HSD17B6: variants seen among roughly 807,000 people sequenced by gnomAD.
HSD17B6 encodes the protein 17-beta-hydroxysteroid dehydrogenase type 6.
A neutral mutation model predicts 26.4 loss-of-function variants in HSD17B6; 16 were observed. The observed-to-expected ratio is 0.61, with a 90% confidence interval of 0.41 to 0.92. HSD17B6 has a LOEUF of 0.92. Ranked by LOEUF, HSD17B6 falls within the 40% of genes least tolerant of loss-of-function variation. The pLI is 0.00. For synonymous variants in HSD17B6, 139 were observed against 153.0 expected (o/e 0.91, Z 0.68); for missense variants, 357 against 386.1 (o/e 0.92, Z 0.63).
intron 1 of HSD17B6, 29 bp from the exon 2 acceptor site, chr12:56,773,805 G>C (rs1222562506): frequency 6.7e-7 from 1 of 1,502,898 alleles, no homozygotes; most frequent in Non-Finnish European, 8.9e-7. Context: ...TAATAAGGAA[G>C]GAATAAAATG....
chr12:56,784,066 A>G (rs1264467084), intron 3 of HSD17B6, among the ~76,000 whole-genome samples: 7 of 148,860 alleles, frequency 4.7e-5, no homozygotes, highest in Non-Finnish European at 1.0e-4. Context: ...CGCTCCCCAC[A>G]TCTCAGACGA....
intron 1 of HSD17B6, among the ~76,000 whole-genome samples, chr12:56,767,714 T>A (rs1954369658): frequency 6.9e-6 from 1 of 144,940 alleles, no homozygotes; most frequent in African/African-American, 2.5e-5. Flanking sequence ...TATACACATA[T>A]ATACACACAT....
Position 56,785,452 on chromosome 12 carries a change from G to T in HSD17B6, c.736+436G>T, listed in dbSNP as rs562019753. ...AAAAGAGGGTTGGTGGACAATGATT[G>T]GCAGATCCTCTCAGGACAAAGCTCC... On this transcript the variant is annotated intron_variant, in intron 4 of 4. Coordinates refer to ENST00000322165, the MANE Select transcript of HSD17B6 (RefSeq NM_003725.4). Among the ~76,000 whole-genome samples the T allele has an allele frequency of 4.3e-4, 65 of 152,330 alleles. 1 individual carries two copies. In the South Asian group the frequency reaches 0.013, roughly 30 times the overall value.
At chr12:56,783,369 G>GC (rs1404154791) in intron 3 of HSD17B6, among the ~76,000 whole-genome samples, 4 of 110,214 alleles carry the variant, frequency 3.6e-5, no homozygotes, top group Admixed American at 8.7e-5. Flanking sequence ...AGGGGGCTGA[G>GC]CCCCCCACCT....
At chr12:56,786,009 T>C in intron 4 of HSD17B6, 2 of 944,030 alleles carry the variant, frequency 2.1e-6, no homozygotes, top group Non-Finnish European at 2.5e-6. Flanking sequence ...GAATGACTTC[T>C]AATAGGTACA....
At chr12:56,771,217 C>T (rs772249463) in intron 1 of HSD17B6, among the ~76,000 whole-genome samples, 15 of 152,124 alleles carry the variant, frequency 9.9e-5, no homozygotes, top group East Asian at 3.8e-4. Context: ...CTCTCCTTCC[C>T]GAGGTGTCAG....
chr12:56,765,480 T>C (rs184963073), intron 1 of HSD17B6, among the ~76,000 whole-genome samples: 75 of 151,800 alleles, frequency 4.9e-4, no homozygotes, highest in Non-Finnish European at 1.5e-4. Flanking sequence ...AAAAAACCAA[T>C]CCTTTTTTTT....
rs1363872387 is a variant in HSD17B6, at chr12:56,774,021, C to G, written c.169C>G (p.Leu57Val). ...RQLDARGLRV[L>V]AACLTEKGAE... ...GCTGGATGCACGAGGCTTGAGAGTGCTGGCTGCGTGTCTGACGGAGAAGGG... is the reference window on the plus strand; with the variant it reads ...GCTGGATGCACGAGGCTTGAGAGTGGTGGCTGCGTGTCTGACGGAGAAGGG... Residue 57 changes from leucine to valine, a missense_variant, in exon 2 of 5, where the codon CTG (leucine) becomes GTG (valine). Coordinates refer to ENST00000322165, the MANE Select transcript of HSD17B6 (RefSeq NM_003725.4). The G allele has an allele frequency of 6.2e-7, 1 of 1,613,988 alleles. No homozygotes were observed. The highest frequency in any genetic ancestry group is 8.5e-7 in the Non-Finnish European group (1 of 1,180,018).
chr12:56,771,448 A>ATTT (rs35374137), intron 1 of HSD17B6, among the ~76,000 whole-genome samples: 11 of 93,318 alleles, frequency 1.2e-4, no homozygotes, highest in African/African-American at 3.1e-4. Context: ...AAGGGTTGCA[A>ATTT]TTTTTTTTTT....
chr12:56,778,913 G>A (rs1954651728), intron 2 of HSD17B6, among the ~76,000 whole-genome samples: 1 of 151,408 alleles, frequency 6.6e-6, no homozygotes, highest in South Asian at 2.1e-4. Context: ...CTGACCTCGG[G>A]ATCCGCTCGT....
intron 1 of HSD17B6, among the ~76,000 whole-genome samples, chr12:56,771,361 A>G (rs912195541): frequency 1.3e-5 from 2 of 151,748 alleles, no homozygotes; most frequent in Non-Finnish European, 2.9e-5. Context: ...CCTGTCTTGT[A>G]GGGTTCTTGT....
At chr12:56,765,218 C>T (rs113807084) in intron 1 of HSD17B6, among the ~76,000 whole-genome samples, 5,165 of 151,972 alleles carry the variant, frequency 0.034, 228 homozygotes, top group African/African-American at 0.099. Flanking sequence ...AGGCGGATCA[C>T]GAGGTCAGGA....
At chr12:56,785,531 A>G (rs979512985) in intron 4 of HSD17B6, among the ~76,000 whole-genome samples, 2 of 152,194 alleles carry the variant, frequency 1.3e-5, no homozygotes, top group African/African-American at 4.8e-5. Flanking sequence ...CAGTGGTCTC[A>G]TGGTTGGCTT....
intron 4 of HSD17B6, among the ~76,000 whole-genome samples, chr12:56,785,564 A>AG (rs1954857755): frequency 6.6e-6 from 1 of 152,200 alleles, no homozygotes. Flanking sequence ...ATCATGGTTG[A>AG]GGAGGGGGAC....
In HSD17B6 at chr12:56,782,138, G is replaced by A. The variant is rs1954731043; in HGVS notation, c.478G>A (p.Val160Ile). The change falls in exon 3 of 5, where the codon GTC becomes ATC. Residue 160 changes from valine to isoleucine, a missense_variant. Transcript: ENST00000322165. ...PLVRRARGRI[V>I]NVSSILGRVA... Reference sequence around the variant, plus strand: ...GGTGAGGAGAGCACGGGGAAGAATTGTCAATGTCTCCAGCATTCTGGGAAG... The same window carrying A: ...GGTGAGGAGAGCACGGGGAAGAATTATCAATGTCTCCAGCATTCTGGGAAG... 6.2e-7 allele frequency: 1 copy of A among 1,614,202 alleles called. No individual in the cohort carries two copies. Among genetic ancestry groups the A allele is most frequent in the Non-Finnish European group, 8.5e-7 (1 of 1,180,052 alleles).
chr12:56,767,954 CATGT>C (rs1270587602), intron 1 of HSD17B6, among the ~76,000 whole-genome samples: 2 of 149,898 alleles, frequency 1.3e-5, no homozygotes, highest in Non-Finnish European at 3.0e-5. Flanking sequence ...TGTGTGAAAC[CATGT>C]GTGTGTGTGT....
chr12:56,784,442 AG>A (rs1329019322), intron 3 of HSD17B6, among the ~76,000 whole-genome samples: 1 of 152,176 alleles, frequency 6.6e-6, no homozygotes, highest in Admixed American at 6.5e-5. Context: ...TGGGAGGCCA[AG>A]GCTGGCGGAT....
Position 56,787,593 on chromosome 12 carries a change from T to C in HSD17B6, c.*251T>C. 1 of 464,394 alleles carries C rather than the reference T, an allele frequency of 2.2e-6. No homozygotes were observed. The highest frequency in any genetic ancestry group is 2.0e-5 in the African/African-American group (1 of 50,960). 28.8% of individuals were successfully genotyped at this position (464,394 alleles called of 1,614,324 possible). A position where few individuals can be genotyped will look rare whatever the true frequency, so the allele number is the denominator to read the frequency against. ...TTTGTCTAAAGTGAATCATTTGTTC[T>C]TGCCTTATTAAACAGAGTAGATGGA... is the stretch of plus-strand genomic sequence containing the variant. On this transcript the variant is annotated 3_prime_UTR_variant, in exon 5 of 5. Transcript: ENST00000322165.
At chr12:56,781,340 G>A (rs1954710272) in intron 2 of HSD17B6, among the ~76,000 whole-genome samples, 1 of 151,914 alleles carries the variant, frequency 6.6e-6, no homozygotes, top group Admixed American at 6.6e-5. Flanking sequence ...CTTCCAGTTT[G>A]CTACTTTCTT....
Sources: gnomAD v4.1 joint callset for allele counts (sites outside exome capture counted in the v4.1 genomes callset) on GRCh38, gnomAD v4.1.1 for gene constraint, MANE v1.5 for transcripts, NCBI Gene and HGNC (gene_info 2026-07-23, HGNC 2026-07-21) for gene names.